Variants in AGMO observed in about 807,000 individuals in gnomAD.
AGMO encodes the protein alkylglycerol monooxygenase.
AGMO carries 75 observed loss-of-function variants against 60.2 expected under a neutral mutation model. That is an observed-to-expected ratio of 1.25 (90% CI 1.03 to 1.51). The LOEUF (loss-of-function observed/expected upper bound fraction) is 1.51, where lower values mean the gene tolerates loss of function less well. AGMO is among the 40% of genes most tolerant of loss of function. The pLI is 0.00. For synonymous variants in AGMO, 261 were observed against 177.1 expected, an observed-to-expected ratio of 1.47 and a Z score of -3.76; for missense variants, 763 against 525.5, an observed-to-expected ratio of 1.45 and a Z score of -4.42.
chr7:15,370,401 G>C (rs903873129), intron 10 of AGMO, among the ~76,000 whole-genome samples: 2 of 152,088 alleles, frequency 1.3e-5, no homozygotes, highest in African/African-American at 4.8e-5. Context: ...ATTTTCTTTT[G>C]GATATATACC....
chr7:15,397,458 G>T (rs922160677), intron 5 of AGMO, among the ~76,000 whole-genome samples: 2 of 152,116 alleles, frequency 1.3e-5, no homozygotes, highest in Non-Finnish European at 2.9e-5. Flanking sequence ...CCCCCACAGC[G>T]CAGCGGCGGG....
At chr7:15,441,911 A>G (rs1283585053) in intron 3 of AGMO, among the ~76,000 whole-genome samples, 1 of 152,152 alleles carries the variant, frequency 6.6e-6, no homozygotes, top group Non-Finnish European at 1.5e-5. Flanking sequence ...GTGGATGTAT[A>G]TTACCCCTGT....
chr7:15,550,291 G>T (rs1360128838), intron 2 of AGMO, among the ~76,000 whole-genome samples: 5 of 151,876 alleles, frequency 3.3e-5, no homozygotes, highest in Admixed American at 1.3e-4. Flanking sequence ...TCAAAAGCTA[G>T]CAGAAAGCAA....
the AGMO span, among the ~76,000 whole-genome samples, chr7:15,179,339 C>G: frequency 1.3e-5 from 2 of 152,078 alleles, no homozygotes; most frequent in Non-Finnish European, 2.9e-5. Flanking sequence ...CAGCTGTGAG[C>G]CTGTGAAATC....
intron 12 of AGMO, among the ~76,000 whole-genome samples, chr7:15,269,155 T>C (rs1418219639): frequency 6.6e-6 from 1 of 152,084 alleles, no homozygotes; most frequent in Non-Finnish European, 1.5e-5. Flanking sequence ...AAAGTGGTTG[T>C]ACTCCAATAA....
intron 10 of AGMO, among the ~76,000 whole-genome samples, chr7:15,383,963 T>C (rs965735384): frequency 3.3e-5 from 5 of 151,992 alleles, no homozygotes; most frequent in African/African-American, 1.2e-4. Context: ...TGAGACTGAG[T>C]CTCGCTCTGT....
intron 10 of AGMO, among the ~76,000 whole-genome samples, chr7:15,372,376 A>T (rs1783255406): frequency 6.6e-6 from 1 of 152,170 alleles, no homozygotes; most frequent in Admixed American, 6.5e-5. Context: ...CTACTGTTTG[A>T]ACCTGGGAAG....
intron 5 of AGMO, 46 bp from the exon 6 acceptor site, chr7:15,394,225 T>G: frequency 7.6e-7 from 1 of 1,314,358 alleles, no homozygotes. Context: ...TATCATTAAA[T>G]GTGTGTTAGT....
intron 12 of AGMO, among the ~76,000 whole-genome samples, chr7:15,302,601 C>A (rs150676898): frequency 1.3e-5 from 2 of 152,128 alleles, no homozygotes; most frequent in Non-Finnish European, 2.9e-5. Context: ...ATCAAGGAGA[C>A]TGGCATAGAG....
intron 6 of AGMO, among the ~76,000 whole-genome samples, chr7:15,391,718 G>A (rs147065481): frequency 1.8e-4 from 28 of 152,252 alleles, no homozygotes; most frequent in African/African-American, 6.7e-4. Flanking sequence ...CTGAACAGAT[G>A]CAGACACCGT....
chr7:15,420,842 A>G (rs1330617190), intron 4 of AGMO, among the ~76,000 whole-genome samples: 2 of 152,156 alleles, frequency 1.3e-5, no homozygotes, highest in Admixed American at 1.3e-4. Flanking sequence ...AACCCATGTC[A>G]TTCTGACTCT....
At chr7:15,184,564 GGAGGGAGGGAAGGAAGGAAGGTAGT>G in the AGMO span, among the ~76,000 whole-genome samples, 1 of 135,490 alleles carries the variant, frequency 7.4e-6, no homozygotes, top group African/African-American at 2.8e-5. Context: ...GGAAAAGGAG[GGAGGGAGGGAAGGAAGGAAGGTAGT>G]AAGGAAGGGA....
At chr7:15,122,220 A>T in the AGMO span, among the ~76,000 whole-genome samples, 1 of 152,124 alleles carries the variant, frequency 6.6e-6, no homozygotes, top group African/African-American at 2.4e-5. Flanking sequence ...AGAAAAAAAC[A>T]ACCCCATCAA....
chr7:15,307,133 T>G (rs1780638311), intron 12 of AGMO, among the ~76,000 whole-genome samples: 1 of 152,152 alleles, frequency 6.6e-6, no homozygotes, highest in African/African-American at 2.4e-5. Context: ...GACATTCATA[T>G]ATTACAATAT....
At chr7:15,432,895 T>C (rs1253547678) in intron 3 of AGMO, among the ~76,000 whole-genome samples, 2 of 151,998 alleles carry the variant, frequency 1.3e-5, no homozygotes, top group Non-Finnish European at 2.9e-5. Context: ...GCACTTTATA[T>C]CTTCAGATGT....
At chr7:15,317,246 T>A (rs1286392575) in intron 12 of AGMO, among the ~76,000 whole-genome samples, 2 of 152,172 alleles carry the variant, frequency 1.3e-5, no homozygotes, top group Non-Finnish European at 2.9e-5. Flanking sequence ...AGATTATTTT[T>A]ATGGTAACTC....
At chr7:15,354,472 ACACACGTGTG>A (rs1563105832) in intron 12 of AGMO, among the ~76,000 whole-genome samples, 2 of 26,058 alleles carry the variant, frequency 7.7e-5, no homozygotes, top group Non-Finnish European at 1.4e-4. Flanking sequence ...GTGTGTGTAT[ACACACGTGTG>A]TATATACACA....
chr7:15,438,754 G>A (rs1781467078), intron 3 of AGMO, among the ~76,000 whole-genome samples: 1 of 152,164 alleles, frequency 6.6e-6, no homozygotes, highest in Non-Finnish European at 1.5e-5. Context: ...ATGGAGCAGA[G>A]TACCCCCTGA....
At chr7:15,368,129 T>G (rs1783055791) in intron 10 of AGMO, among the ~76,000 whole-genome samples, 1 of 151,928 alleles carries the variant, frequency 6.6e-6, no homozygotes, top group African/African-American at 2.4e-5. Flanking sequence ...ACAAAAGGAT[T>G]AGAATGTTTA....
Sources: gnomAD v4.1 joint callset for allele counts (sites outside exome capture counted in the v4.1 genomes callset) on GRCh38, gnomAD v4.1.1 for gene constraint, MANE v1.5 for transcripts, NCBI Gene and HGNC (gene_info 2026-07-23, HGNC 2026-07-21) for gene names.